The following STX18 variants were observed in gnomAD, a reference collection of about 807,000 sequenced individuals.
STX18 encodes syntaxin-18.
In STX18, 40 loss-of-function variants were observed where a neutral mutation model predicts 50.1. That is an observed-to-expected ratio of 0.80 (90% CI 0.62 to 1.04). The LOEUF is 1.04. Among genes scored for constraint, STX18 ranks in the 50% least tolerant of loss-of-function variants. The pLI is 0.00. For synonymous variants in STX18, 158 were observed against 151.8 expected (o/e 1.04, Z -0.30); for missense variants, 410 against 415.8 (o/e 0.99, Z 0.12).
At chr4:4,533,019 G>A (rs943478078) in intron 1 of STX18, among the ~76,000 whole-genome samples, 1 of 152,088 alleles carries the variant, frequency 6.6e-6, no homozygotes, top group Admixed American at 6.5e-5. Context: ...ATGGTGATAA[G>A]TAGAAGCTGG....
At chr4:4,518,341 T>G (rs916617903) in intron 1 of STX18, among the ~76,000 whole-genome samples, 3 of 152,234 alleles carry the variant, frequency 2.0e-5, no homozygotes, top group African/African-American at 7.2e-5. Context: ...TGAGAGCTCA[T>G]GCACAAAGCC....
chr4:4,459,175 T>C (rs1727247057), intron 3 of STX18, among the ~76,000 whole-genome samples, 197 bp downstream of exon 3: 1 of 152,142 alleles, frequency 6.6e-6, no homozygotes, highest in African/African-American at 2.4e-5. Flanking sequence ...TCTCATTGGT[T>C]TAACTTGAAT....
At chr4:4,424,571 T>C (rs1029912198) in intron 8 of STX18, among the ~76,000 whole-genome samples, 5 of 152,186 alleles carry the variant, frequency 3.3e-5, no homozygotes, top group African/African-American at 9.7e-5. Context: ...GTCCTCAGGC[T>C]GTGTGAGTGC....
intron 2 of STX18, among the ~76,000 whole-genome samples, chr4:4,460,362 T>A (rs1272551853): frequency 3.3e-5 from 5 of 152,164 alleles, no homozygotes; most frequent in Admixed American, 3.3e-4. Flanking sequence ...ACGACTGTGC[T>A]CCCTAGTAAG....
intron 1 of STX18, among the ~76,000 whole-genome samples, chr4:4,502,320 C>A (rs959045981): frequency 6.6e-6 from 1 of 151,906 alleles, no homozygotes; most frequent in African/African-American, 2.4e-5. Context: ...GTAAAAATTA[C>A]CTAAAACAAT....
chr4:4,513,192 G>T (rs1470187980), intron 1 of STX18, among the ~76,000 whole-genome samples: 1 of 152,188 alleles, frequency 6.6e-6, no homozygotes, highest in African/African-American at 2.4e-5. Flanking sequence ...TCGGTTCTAT[G>T]TTAAGTAAAG....
chr4:4,432,030 G>A (rs73086207), intron 7 of STX18, among the ~76,000 whole-genome samples: 6,878 of 152,314 alleles, frequency 0.045, 507 homozygotes, highest in African/African-American at 0.15. Context: ...GAAAGAAGCT[G>A]GAAAGGAAGG....
chr4:4,444,088 A>G (rs1726261302), intron 5 of STX18, among the ~76,000 whole-genome samples: 1 of 152,338 alleles, frequency 6.6e-6, no homozygotes, highest in Non-Finnish European at 1.5e-5. Flanking sequence ...CCACTGTATC[A>G]GTGCATGGCA....
At chr4:4,475,308 T>C (rs891363729) in intron 1 of STX18, among the ~76,000 whole-genome samples, 3 of 152,216 alleles carry the variant, frequency 2.0e-5, no homozygotes, top group African/African-American at 7.2e-5. Context: ...AAGAGGTGTG[T>C]TAAGTAATTA....
At chr4:4,537,229 C>T (rs911341915) in intron 1 of STX18, among the ~76,000 whole-genome samples, 2 of 152,208 alleles carry the variant, frequency 1.3e-5, no homozygotes, top group African/African-American at 4.8e-5. Flanking sequence ...TAAACTCCTG[C>T]ATTTTCTAGT....
intron 1 of STX18, among the ~76,000 whole-genome samples, chr4:4,516,620 A>G (rs1380948400): frequency 6.6e-6 from 1 of 152,232 alleles, no homozygotes; most frequent in Non-Finnish European, 1.5e-5. Flanking sequence ...AACATTCTGC[A>G]TTTAAGTTGT....
At chr4:4,428,048 G>A (rs757668850) in intron 7 of STX18, among the ~76,000 whole-genome samples, 44 of 152,352 alleles carry the variant, frequency 2.9e-4, no homozygotes, top group Admixed American at 5.2e-4. Flanking sequence ...GCAGGGCCCA[G>A]GACAATTAGA....
At chr4:4,447,232 AT>A (rs1230374037) in intron 5 of STX18, among the ~76,000 whole-genome samples, 2 of 151,598 alleles carry the variant, frequency 1.3e-5, no homozygotes, top group Admixed American at 6.6e-5. Context: ...GAATTTTCAG[AT>A]TTTTTTTTCC....
At chr4:4,433,921 T>G (rs892893045) in intron 7 of STX18, among the ~76,000 whole-genome samples, 3 of 152,236 alleles carry the variant, frequency 2.0e-5, no homozygotes, top group Non-Finnish European at 2.9e-5. Flanking sequence ...ACTAGGGGAC[T>G]CTGGGCAAGA....
intron 1 of STX18, among the ~76,000 whole-genome samples, chr4:4,504,558 C>T (rs1729606758): frequency 6.6e-6 from 1 of 152,062 alleles, no homozygotes; most frequent in African/African-American, 2.4e-5. Context: ...AAAATATTTG[C>T]AAATTATACA....
chr4:4,446,935 T>G (rs1042151005), intron 5 of STX18, among the ~76,000 whole-genome samples: 6 of 152,204 alleles, frequency 3.9e-5, no homozygotes, highest in Non-Finnish European at 8.8e-5. Flanking sequence ...GTTACTTTCA[T>G]GCAATGCAAT....
chr4:4,537,314 T>A (rs1397697916), intron 1 of STX18, among the ~76,000 whole-genome samples: 2 of 152,210 alleles, frequency 1.3e-5, no homozygotes, highest in Non-Finnish European at 2.9e-5. Flanking sequence ...CCAGGCACTG[T>A]GAGGGATGTT....
chr4:4,499,989 A>G (rs779269867), intron 1 of STX18, among the ~76,000 whole-genome samples: 11 of 152,102 alleles, frequency 7.2e-5, no homozygotes, highest in Non-Finnish European at 1.6e-4. Flanking sequence ...GGCAGAGGTG[A>G]GGCAGCTGTG....
chr4:4,500,902 T>C (rs528957270), intron 1 of STX18, among the ~76,000 whole-genome samples: 1 of 152,158 alleles, frequency 6.6e-6, no homozygotes, highest in East Asian at 1.9e-4. Context: ...CTGGGCGTGG[T>C]GGCGGGCGCC....
Sources: gnomAD v4.1 joint callset for allele counts (sites outside exome capture counted in the v4.1 genomes callset) on GRCh38, gnomAD v4.1.1 for gene constraint, MANE v1.5 for transcripts, NCBI Gene and HGNC (gene_info 2026-07-23, HGNC 2026-07-21) for gene names.